Variants in NEMP2 observed in about 807,000 individuals in gnomAD.
NEMP2 encodes the protein UPF0571 transmembrane protein.
A neutral mutation model predicts 54.2 loss-of-function variants in NEMP2; 53 were observed. The observed-to-expected ratio is 0.98, with a 90% CI of 0.78 to 1.23. NEMP2 has a LOEUF of 1.23. Ranked by LOEUF, NEMP2 falls within the 50% of genes most tolerant of loss-of-function variation. NEMP2 has a pLI of 0.00. For missense variants in NEMP2, 455 were observed against 511.3 expected (o/e 0.89, Z 1.06); for synonymous variants, 197 against 190.3 (o/e 1.04, Z -0.29).
the NEMP2 span, among the ~76,000 whole-genome samples, chr2:190,619,941 T>C: frequency 6.6e-6 from 1 of 152,320 alleles, no homozygotes; most frequent in South Asian, 2.1e-4. This position sits in a 1 kb window ranked among gnomAD's most constrained non-coding sequence, Gnocchi z 5.5. Flanking sequence ...TGTTTTTACC[T>C]CGGTGGCCAG....
chr2:190,574,608 A>G, the NEMP2 span, among the ~76,000 whole-genome samples: 2,534 of 152,148 alleles, frequency 0.017, 78 homozygotes, highest in African/African-American at 0.057. Flanking sequence ...ATATCCCTCA[A>G]CCAACACTCC....
the NEMP2 span, among the ~76,000 whole-genome samples, chr2:190,425,076 T>A: frequency 9.8e-5 from 15 of 152,358 alleles, no homozygotes; most frequent in Non-Finnish European, 2.1e-4. This position sits in a 1 kb window ranked among gnomAD's most constrained non-coding sequence, Gnocchi z 4.3. Flanking sequence ...ACACATTTTT[T>A]AAATTTATAC....
chr2:190,602,492 C>T, the NEMP2 span, among the ~76,000 whole-genome samples: 4 of 152,132 alleles, frequency 2.6e-5, no homozygotes, highest in African/African-American at 7.2e-5. Flanking sequence ...AAAATACCTT[C>T]GCAATAACAT....
rs1318846322 is a variant in NEMP2 at position 190,509,643 on chromosome 2, T to C, written c.1131-331A>G. 1.3e-5 allele frequency among the ~76,000 whole-genome samples: 2 copies of C among 152,258 alleles called. No homozygotes were observed. The highest frequency in any genetic ancestry group is 4.8e-5 in the African/African-American group (2 of 41,468). On this transcript the variant is annotated intron_variant, in intron 8 of 8. Coordinates refer to ENST00000409150, the MANE Select transcript of NEMP2 (RefSeq NM_001142645.2). This position sits in a 1 kb window ranked among gnomAD's most constrained non-coding sequence, Gnocchi z 6.1. ...TTATTTTGTTTCAAATACTTCCCCC[T>C]TCCATCTTTAATTTGAGGGCACTGT...
chr2:190,557,161 A>C, the NEMP2 span, among the ~76,000 whole-genome samples: 3 of 152,250 alleles, frequency 2.0e-5, no homozygotes, highest in Non-Finnish European at 4.4e-5. Flanking sequence ...GAGGCCCCAG[A>C]AATAATGCCA....
At chr2:190,500,372 C>G (rs1301271904), downstream of NEMP2, 1 of 744,472 alleles carries the variant, frequency 1.3e-6, no homozygotes, top group African/African-American at 1.8e-5. The surrounding 1 kb of genome is among the most constrained non-coding windows in gnomAD (Gnocchi z 5.3). Context: ...AACACACACA[C>G]AGGAGCTACA....
At chr2:190,497,801 C>T in the NEMP2 span, 2 of 1,441,630 alleles carry the variant, frequency 1.4e-6, no homozygotes, top group Admixed American at 2.0e-5. This position sits in a 1 kb window ranked among gnomAD's most constrained non-coding sequence, Gnocchi z 5.2. Flanking sequence ...ACTCACTTTT[C>T]ATTCAACAAG....
the NEMP2 span, among the ~76,000 whole-genome samples, chr2:190,579,514 A>G: frequency 6.6e-6 from 1 of 152,296 alleles, no homozygotes; most frequent in East Asian, 1.9e-4. Flanking sequence ...TTATGATTCT[A>G]GGACTATAGT....
At chr2:190,612,448 C>T in the NEMP2 span, among the ~76,000 whole-genome samples, 1 of 152,138 alleles carries the variant, frequency 6.6e-6, no homozygotes, top group African/African-American at 2.4e-5. Flanking sequence ...GCCACTGCGC[C>T]CGGCCACATC....
the NEMP2 span, among the ~76,000 whole-genome samples, chr2:190,495,994 A>G: frequency 6.6e-6 from 1 of 152,200 alleles, no homozygotes; most frequent in African/African-American, 2.4e-5. This position sits in a 1 kb window ranked among gnomAD's most constrained non-coding sequence, Gnocchi z 4.7. Flanking sequence ...AATAGATGGG[A>G]CTTAATTAAA....
chr2:190,436,022 G>A, the NEMP2 span: 4 of 1,599,494 alleles, frequency 2.5e-6, no homozygotes, highest in East Asian at 6.7e-5. This position sits in a 1 kb window ranked among gnomAD's most constrained non-coding sequence, Gnocchi z 5.3. Flanking sequence ...TGATGGTGGT[G>A]GTAAGCCATG....
In NEMP2 at chr2:190,510,231, CAACT is replaced by C; in HGVS notation, c.1130+126_1130+129del. 4.5e-6 allele frequency: 5 copies of C among 1,102,364 alleles called. No individual in the cohort carries two copies. The South Asian group carries it at 8.1e-5, about 18-fold the overall frequency. The allele number at this position is 1,102,364 out of a possible 1,614,324, so 68.3% of individuals were successfully genotyped here. Reference sequence around the variant, plus strand: ...CAGTACTGAGAAAAGGGACCTCTGACAACTTCCACATCATCTGTTATCCAGGGAA... The same window carrying C: ...CAGTACTGAGAAAAGGGACCTCTGACTCCACATCATCTGTTATCCAGGGAA... On this transcript the variant is annotated intron_variant, in intron 8 of 8. Coordinates refer to ENST00000409150, the MANE Select transcript of NEMP2 (RefSeq NM_001142645.2). This position sits in a 1 kb window ranked among gnomAD's most constrained non-coding sequence, Gnocchi z 5.7.
At chr2:190,625,210 A>C in the NEMP2 span, 26 of 152,190 alleles carry the variant, frequency 1.7e-4, no homozygotes, top group Admixed American at 1.5e-3. Context: ...CCAAATGTCC[A>C]TCAGCTGATG....
chr2:190,451,922 A>G, the NEMP2 span, among the ~76,000 whole-genome samples: 1 of 152,108 alleles, frequency 6.6e-6, no homozygotes, highest in Non-Finnish European at 1.5e-5. This position sits in a 1 kb window ranked among gnomAD's most constrained non-coding sequence, Gnocchi z 5.0. Context: ...TCTTATTATT[A>G]TTTATCTCAC....
At chr2:190,623,615 G>A in the NEMP2 span, among the ~76,000 whole-genome samples, 1 of 152,162 alleles carries the variant, frequency 6.6e-6, no homozygotes, top group African/African-American at 2.4e-5. Context: ...ATAACCAGAT[G>A]CAGAAGAATG....
At chr2:190,515,005 T>C (rs1459233753) in intron 6 of NEMP2, among the ~76,000 whole-genome samples, 1 of 152,182 alleles carries the variant, frequency 6.6e-6, no homozygotes, top group Non-Finnish European at 1.5e-5. Context: ...TATGTCACCA[T>C]TGGCTACAAA....
the NEMP2 span, chr2:190,610,901 C>T: frequency 1.1e-4 from 16 of 150,824 alleles, no homozygotes; most frequent in African/African-American, 4.0e-4. The surrounding 1 kb of genome is among the most constrained non-coding windows in gnomAD (Gnocchi z 5.4). Context: ...GCAGTTAATT[C>T]CTGTCCTGCT....
chr2:190,618,313 C>T, the NEMP2 span, among the ~76,000 whole-genome samples: 7 of 152,302 alleles, frequency 4.6e-5, no homozygotes, highest in African/African-American at 1.7e-4. Flanking sequence ...TTGCCTCTCA[C>T]TGTCAGTTTC....
the NEMP2 span, among the ~76,000 whole-genome samples, chr2:190,568,572 C>A: frequency 6.6e-6 from 1 of 152,128 alleles, no homozygotes; most frequent in Non-Finnish European, 1.5e-5. The surrounding 1 kb of genome is among the most constrained non-coding windows in gnomAD (Gnocchi z 4.7). Context: ...CTTGTAATCC[C>A]AGCACTTTGG....
Sources: gnomAD v4.1 joint callset for allele counts (sites outside exome capture counted in the v4.1 genomes callset) on GRCh38, gnomAD v4.1.1 for gene constraint, Gnocchi (gnomAD v3.1) non-coding constraint, MANE v1.5 for transcripts, NCBI Gene and HGNC (gene_info 2026-07-23, HGNC 2026-07-21) for gene names.